Variants in ANK1 observed in about 807,000 individuals in gnomAD.
ANK1 encodes ankyrin 1, also known as ankyrin-1.
Under a neutral mutation model 210.4 loss-of-function variants are expected in ANK1, and 51 were observed. The observed-to-expected ratio is 0.24, with a 90% CI of 0.19 to 0.31. ANK1 has a LOEUF of 0.31. Ranked by LOEUF, ANK1 falls within the 10% of genes least tolerant of loss-of-function variation. ANK1 has a pLI of 1.00. For synonymous variants in ANK1, 967 were observed against 1,025.9 expected (o/e 0.94, Z 1.10); for missense variants, 2,051 against 2,504.4 (o/e 0.82, Z 3.86).
At chr8:41,686,394 C>G in intron 35 of ANK1, 111 bp from the exon 36 acceptor site, 1 of 1,421,890 alleles carries the variant, frequency 7.0e-7, no homozygotes, top group South Asian at 1.2e-5. Context: ...CAGTGGGGAG[C>G]ACAGGGAGCT....
chr8:41,858,222 C>T (rs1812575832), intron 1 of ANK1, among the ~76,000 whole-genome samples: 1 of 151,902 alleles, frequency 6.6e-6, no homozygotes, highest in Non-Finnish European at 1.5e-5. Context: ...ACAGCAAGAC[C>T]CTGTCTCTAA....
chr8:41,675,060 G>A (rs1192393067), intron 37 of ANK1, among the ~76,000 whole-genome samples: 1 of 152,150 alleles, frequency 6.6e-6, no homozygotes, highest in Non-Finnish European at 1.5e-5. Context: ...TTACTCTTGC[G>A]AGCATTTTAT....
chr8:41,758,799 A>G (rs1023905985), intron 1 of ANK1, among the ~76,000 whole-genome samples: 75 of 152,326 alleles, frequency 4.9e-4, no homozygotes, highest in African/African-American at 1.6e-3. Flanking sequence ...AGAGTTTGCA[A>G]TATCACAGAG....
intron 1 of ANK1, among the ~76,000 whole-genome samples, chr8:41,853,386 G>C (rs192366242): frequency 4.6e-5 from 7 of 152,262 alleles, no homozygotes; most frequent in Non-Finnish European, 8.8e-5. Context: ...AAGAAGGAGG[G>C]AAAAATAGCA....
At chr8:41,780,011 G>C (rs933399537) in intron 1 of ANK1, among the ~76,000 whole-genome samples, 4 of 152,190 alleles carry the variant, frequency 2.6e-5, no homozygotes, top group Admixed American at 1.3e-4. Context: ...TTTTGCTACA[G>C]AGCACGGTAG....
chr8:41,893,408 C>A (rs1819814764), intron 1 of ANK1, among the ~76,000 whole-genome samples: 1 of 152,106 alleles, frequency 6.6e-6, no homozygotes, highest in Admixed American at 6.5e-5. Flanking sequence ...TGTTAGAGCT[C>A]CAGAGTGTAG....
At chr8:41,674,832 G>A (rs2150566174) in intron 37 of ANK1, among the ~76,000 whole-genome samples, 1 of 152,280 alleles carries the variant, frequency 6.6e-6, no homozygotes, top group East Asian at 1.9e-4. Flanking sequence ...TTTAGCTCTG[G>A]CCAAACTAGG....
rs546585816 is a variant in ANK1, at chr8:41,750,085, T to C, written c.129+7951A>G. On this transcript the variant is annotated intron_variant, in intron 2 of 42. Coordinates refer to ENST00000289734, the MANE Select transcript of ANK1 (RefSeq NM_000037.4). ...CTTGGAAAGGTCGTAATTATCACCA[T>C]CACCAGAGCACAAGAAATCCTGATC... is the stretch of plus-strand genomic sequence containing the variant. Among the ~76,000 whole-genome samples, 70 of 152,382 alleles carry C rather than the reference T, an allele frequency of 4.6e-4. 1 individual carries two copies. Among genetic ancestry groups the C allele is most frequent in the African/African-American group, 1.6e-3 (68 of 41,602 alleles).
intron 1 of ANK1, among the ~76,000 whole-genome samples, chr8:41,826,748 T>C (rs1325253402): frequency 1.3e-5 from 2 of 152,252 alleles, no homozygotes; most frequent in African/African-American, 4.8e-5. Context: ...AATACATGTT[T>C]TCCCAGAACT....
At chr8:41,831,100 G>C (rs142807612) in intron 1 of ANK1, among the ~76,000 whole-genome samples, 1 of 152,192 alleles carries the variant, frequency 6.6e-6, no homozygotes, top group East Asian at 1.9e-4. Context: ...CGGCCTGGGA[G>C]ACAGGAGACG....
intron 37 of ANK1, among the ~76,000 whole-genome samples, chr8:41,682,220 C>G (rs1816272108): frequency 6.6e-6 from 1 of 152,138 alleles, no homozygotes; most frequent in Non-Finnish European, 1.5e-5. Flanking sequence ...GTGAACGCAT[C>G]AGGAAAGCCC....
chr8:41,818,058 C>T (rs1303226896), intron 1 of ANK1, among the ~76,000 whole-genome samples: 1 of 152,160 alleles, frequency 6.6e-6, no homozygotes, highest in Non-Finnish European at 1.5e-5. Flanking sequence ...CACGTGCCCC[C>T]GCTGGCTGCA....
At chr8:41,750,308 C>A (rs1019740226) in intron 2 of ANK1, among the ~76,000 whole-genome samples, 1 of 152,202 alleles carries the variant, frequency 6.6e-6, no homozygotes. Flanking sequence ...GCTGGGTTTT[C>A]GCACTGGAAA....
chr8:41,723,543 T>C lies in ANK1; in HGVS notation c.802A>G (p.Lys268Glu). The change falls in exon 8 of 43, where the codon AAG becomes GAG. Residue 268 changes from lysine to glutamate, a missense_variant. This residue lies in a region of ANK1 where 1,413 missense variants were observed against 1,707.4 expected (regional missense o/e 0.83). Coordinates refer to ENST00000289734, the MANE Select transcript of ANK1 (RefSeq NM_000037.4). Reference sequence around the variant, plus strand: ...CACCTGCTGGCACCCACCTTGGTCTTGGTTTCTATCTGGGCTCCCCGATCC... The same window carrying C: ...CACCTGCTGGCACCCACCTTGGTCTCGGTTTCTATCTGGGCTCCCCGATCC... The part of the protein sequence containing the change: ...LLDRGAQIET[K>E]TKDELTPLHC... The C allele has an allele frequency of 6.2e-7, 1 of 1,614,078 alleles. No individual in the cohort carries two copies. Among genetic ancestry groups the C allele is most frequent in the South Asian group, 1.1e-5 (1 of 91,086 alleles).
intron 1 of ANK1, among the ~76,000 whole-genome samples, chr8:41,761,547 G>C (rs1203396836): frequency 6.6e-6 from 1 of 152,182 alleles, no homozygotes; most frequent in Non-Finnish European, 1.5e-5. Flanking sequence ...GTGTGTCCCT[G>C]TGGAGGCCTT....
chr8:41,872,193 G>A (rs1031449193), intron 1 of ANK1, among the ~76,000 whole-genome samples: 1 of 152,176 alleles, frequency 6.6e-6, no homozygotes, highest in Non-Finnish European at 1.5e-5. Flanking sequence ...CAGAGGAGAG[G>A]AGCCGACCCC....
chr8:41,693,330 C>T, intron 29 of ANK1, 129 bp from the exon 30 acceptor site: 2 of 803,314 alleles, frequency 2.5e-6, no homozygotes, highest in Non-Finnish European at 4.3e-6. Context: ...GCCCTGGGCA[C>T]CCTACCCTCA....
chr8:41,846,448 C>A (rs960871361), intron 1 of ANK1, among the ~76,000 whole-genome samples: 10 of 152,370 alleles, frequency 6.6e-5, no homozygotes, highest in African/African-American at 2.4e-4. Context: ...TGGGCTGCAG[C>A]TCGTGCAGAC....
intron 1 of ANK1, among the ~76,000 whole-genome samples, chr8:41,790,579 G>A (rs1847467565): frequency 6.8e-6 from 1 of 146,682 alleles, no homozygotes; most frequent in Non-Finnish European, 1.5e-5. Flanking sequence ...ACCAATTCAT[G>A]ACCTGCCCTG....
Sources: gnomAD v4.1 joint callset for allele counts (sites outside exome capture counted in the v4.1 genomes callset) on GRCh38, gnomAD v4.1.1 for gene constraint, gnomAD v4.1.1 regional missense constraint, MANE v1.5 for transcripts, NCBI Gene and HGNC (gene_info 2026-07-23, HGNC 2026-07-21) for gene names.